The following EHBP1L1 variants were observed in gnomAD, a reference collection of about 807,000 sequenced individuals.
EHBP1L1 encodes the protein EH domain-binding protein 1-like protein 1.
Under a neutral mutation model 151.1 loss-of-function variants are expected in EHBP1L1, and 122 were observed. The ratio of observed to expected loss-of-function variants is 0.81; its 90% confidence interval spans 0.70 to 0.94. EHBP1L1 has a LOEUF of 0.94. Ranked by LOEUF, EHBP1L1 falls within the 40% of genes least tolerant of loss-of-function variation. EHBP1L1 has a pLI of 0.00. For synonymous variants in EHBP1L1, 878 were observed against 810.1 expected, an observed-to-expected ratio of 1.08 and a Z score of -1.42; for missense variants, 1,941 against 1,959.8, an observed-to-expected ratio of 0.99 and a Z score of 0.18.
rs1857638659 is a variant in EHBP1L1 at position 65,582,044 on chromosome 11, C to T, written c.1372C>T (p.Pro458Ser). 2 of 1,613,364 alleles carry T rather than the reference C, an allele frequency of 1.2e-6. No individual in the cohort carries two copies. The highest frequency in any genetic ancestry group is 1.7e-6 in the Non-Finnish European group (2 of 1,179,786). The change falls in exon 9 of 19, where the codon CCT becomes TCT. Residue 458 changes from proline (P) to serine (S), a missense_variant. Transcript: ENST00000309295. The part of the protein sequence containing the change: ...EARCRGTPEA[P>S]PRGSQGRLGV... ...AAGATGCAGGGGGACCCCTGAGGCT[C>T]CTCCAAGGGGCTCTCAGGGGAGGCT...
intron 3 of EHBP1L1, 28 bp downstream of exon 3, chr11:65,579,464 G>A: frequency 1.4e-6 from 2 of 1,441,056 alleles, no homozygotes; most frequent in South Asian, 1.5e-5. Context: ...CAGCATGGAT[G>A]GCAATTGCAA....
At chr11:65,584,427 G>C (rs756505051) in intron 10 of EHBP1L1, 29 bp downstream of exon 10, 6 of 1,613,434 alleles carry the variant, frequency 3.7e-6, no homozygotes, top group African/African-American at 1.3e-5. Flanking sequence ...GGGAACGAAT[G>C]GGGGAGCCAT....
chr11:65,590,270 G>A lies in EHBP1L1; in HGVS notation c.4183+60G>A. The A allele has an allele frequency of 1.9e-6, 3 of 1,596,432 alleles. No individual in the cohort carries two copies. The East Asian group carries it at 6.8e-5, about 36-fold the overall frequency. On this transcript the variant is annotated intron_variant, in intron 15 of 18. Coordinates refer to ENST00000309295, the MANE Select transcript of EHBP1L1 (RefSeq NM_001099409.3). ...CATGCCACTAGGTCTGTCCAGCCCTGCAGCTGTTCCTGACCTTGGGAGGAG... is the reference window on the plus strand; with the variant it reads ...CATGCCACTAGGTCTGTCCAGCCCTACAGCTGTTCCTGACCTTGGGAGGAG...
Position 65,591,781 on chromosome 11 carries a change from A to AC in EHBP1L1, c.4284-13dup, listed in dbSNP as rs1384425118. 17 of 532,522 alleles carry AC rather than the reference A, an allele frequency of 3.2e-5. No homozygotes were observed. Among genetic ancestry groups the AC allele is most frequent in the Non-Finnish European group, 4.2e-5 (16 of 383,674 alleles). 33.0% of individuals were successfully genotyped at this position (532,522 alleles called of 1,614,324 possible). ...CTGAACTGCCACCCCCCCGCCACCC[A>AC]CCCCCCGCCACCTTCCAGCATGGAG... On this transcript the variant is annotated intron_variant, in intron 16 of 18. Coordinates refer to ENST00000309295, the MANE Select transcript of EHBP1L1 (RefSeq NM_001099409.3).
rs752741935 is a variant in EHBP1L1 at position 65,576,302 on chromosome 11, C to T, written c.-1C>T. Reference sequence around the variant, plus strand: ...AAGTGGGCGGCGGGGTGGCGGGGGCCATGACCTCGGTGTGGAAGCGCCTGC... The same window carrying T: ...AAGTGGGCGGCGGGGTGGCGGGGGCTATGACCTCGGTGTGGAAGCGCCTGC... On this transcript the variant is annotated 5_prime_UTR_variant, in exon 1 of 19. Coordinates refer to ENST00000309295, the MANE Select transcript of EHBP1L1 (RefSeq NM_001099409.3). 14 of 1,587,682 alleles carry T rather than the reference C, an allele frequency of 8.8e-6. No individual in the cohort carries two copies. Among genetic ancestry groups the T allele is most frequent in the East Asian group, 2.3e-5 (1 of 43,520 alleles).
Position 65,592,358 on chromosome 11 carries a change from C to G in EHBP1L1, c.*56C>G. On this transcript the variant is annotated 3_prime_UTR_variant, in exon 19 of 19. Coordinates refer to ENST00000309295, the MANE Select transcript of EHBP1L1 (RefSeq NM_001099409.3). ...CGCGTCCCCGGCGTCCGCCGCCGCC[C>G]CGGGCCTGCGCTGCGGACGACCCGG... The G allele has an allele frequency of 7.8e-7, 1 of 1,282,380 alleles. No homozygotes were observed. The allele number at this position is 1,282,380 out of a possible 1,614,324, so 79.4% of individuals were successfully genotyped here. A position where few individuals can be genotyped will look rare whatever the true frequency, so the allele number is the denominator to read the frequency against.
At chr11:65,581,001 C>T (rs1312598389) in intron 6 of EHBP1L1, 57 bp from the exon 7 acceptor site, 2 of 1,547,008 alleles carry the variant, frequency 1.3e-6, no homozygotes, top group Non-Finnish European at 1.7e-6. Context: ...GGGGTCAGGC[C>T]TGTGGGGCCC....
At position 65,584,528 on chromosome 11, in the gene EHBP1L1, C is replaced by G. The variant is rs755497516; in HGVS notation, c.3294C>G (p.Asn1098Lys). ...ACCCACTCAACATCAAGCAGAACAA[C>G]AAGCAGGTGAGATGGGGTGGGGGAC... ...SLDPLNIKQN[N>K]KQAFDGFAAL... The change falls in exon 11 of 19, where the codon AAC becomes AAG. Residue 1098 changes from asparagine to lysine, a missense_variant. Asn to Lys is a moderately conservative substitution (Grantham distance 94, BLOSUM62 0). Coordinates refer to ENST00000309295, the MANE Select transcript of EHBP1L1 (RefSeq NM_001099409.3). 2 of 1,611,712 alleles carry G rather than the reference C, an allele frequency of 1.2e-6. No homozygotes were observed. The highest frequency in any genetic ancestry group is 3.3e-5 in the Admixed American group (2 of 59,808).
Position 65,585,859 on chromosome 11 carries a change from C to G in EHBP1L1, c.3933+268C>G, listed in dbSNP as rs911983686. On this transcript the variant is annotated intron_variant, in intron 12 of 18. Coordinates refer to ENST00000309295, the MANE Select transcript of EHBP1L1 (RefSeq NM_001099409.3). This position sits in a 1 kb window ranked among gnomAD's most constrained non-coding sequence, Gnocchi z 4.0. ...CCACCAGGCAGGGTCCCCAGCTTTG[C>G]GGCCAGCCTGGGATAAGTGCTGAGG... Among the ~76,000 whole-genome samples the G allele has an allele frequency of 6.6e-6, 1 of 152,230 alleles. No individual in the cohort carries two copies. The highest frequency in any genetic ancestry group is 2.4e-5 in the African/African-American group (1 of 41,458).
rs569436317 is a variant in EHBP1L1 at position 65,585,569 on chromosome 11, G to C, written c.3911G>C (p.Gly1304Ala). ...TTCTCGATGGACGATCCGGACGCGG[G>C]AGCCATGGGAGCTGCGGCTGCAGTG... is the stretch of plus-strand genomic sequence containing the variant. ...SSFSMDDPDA[G>A]AMGAAAAEGQ... is the part of the protein sequence containing the mutation. The change falls in exon 12 of 19, where the codon GGA (glycine) becomes GCA (alanine). Residue 1304 changes from glycine to alanine, a missense_variant. Physicochemically the swap from Gly to Ala is moderately conservative, Grantham distance 60. Transcript: ENST00000309295. This position sits in a 1 kb window ranked among gnomAD's most constrained non-coding sequence, Gnocchi z 4.0. 6.4e-5 allele frequency: 101 copies of C among 1,581,072 alleles called. 2 individuals carry two copies. The South Asian group carries it at 1.1e-3, about 17-fold the overall frequency.
At position 65,584,156 on chromosome 11, in the gene EHBP1L1, TTG is replaced by T. The variant is rs1857802000; in HGVS notation, c.3094-80_3094-79del. On this transcript the variant is annotated intron_variant, in intron 9 of 18. Transcript: ENST00000309295. ...CCCTGCAAGCTCAGAGATGGGGCTG[TTG>T]TGTGCCAGGCATGAGCTTCCCCAAG... 8 of 1,546,800 alleles carry T rather than the reference TTG, an allele frequency of 5.2e-6. No individual in the cohort carries two copies. In the South Asian group the frequency reaches 7.3e-5, roughly 14 times the overall value.
Position 65,576,332 on chromosome 11 carries a change from C to T in EHBP1L1, c.30C>T (p.Arg10=). ...CCTCGGTGTGGAAGCGCCTGCAGCG[C>T]GTGGGCAAGCGGGCGGCCAAGTTCC... The part of the protein sequence containing the change: MTSVWKRLQ[R]VGKRAAKFQF... Residue 10 remains arginine, a synonymous_variant, in exon 1 of 19, where the codon CGC becomes CGT. Transcript: ENST00000309295. The T allele has an allele frequency of 3.8e-6, 6 of 1,598,174 alleles. No homozygotes were observed. Among genetic ancestry groups the T allele is most frequent in the Non-Finnish European group, 5.1e-6 (6 of 1,173,178 alleles).
intron 12 of EHBP1L1, 28 bp from the exon 13 acceptor site, chr11:65,589,723 C>G (rs1192522447): frequency 4.0e-6 from 6 of 1,513,944 alleles, no homozygotes; most frequent in Admixed American, 2.2e-5. Flanking sequence ...AAACCCCTCC[C>G]AGCCCTCACT....
chr11:65,577,631 C>T (rs761103655), intron 1 of EHBP1L1, among the ~76,000 whole-genome samples: 2 of 152,174 alleles, frequency 1.3e-5, no homozygotes, highest in East Asian at 1.9e-4. Flanking sequence ...CCCAGGAGGG[C>T]GTGCCCAGCC....
At position 65,583,339 on chromosome 11, in the gene EHBP1L1, A is replaced by G. The variant is rs1362557880; in HGVS notation, c.2667A>G (p.Ala889=). ...EEAQTSGVQE[A]ETRVGSALKY... ...CTCAGACTTCGGGGGTCCAGGAAGC[A>G]GAGACTAGAGTTGGGAGTGCTCTCA... is the stretch of plus-strand genomic sequence containing the variant. Residue 889 remains alanine (A), a synonymous_variant, in exon 9 of 19, where the codon GCA becomes GCG. Transcript: ENST00000309295. 6.2e-7 allele frequency: 1 copy of G among 1,613,736 alleles called. No homozygotes were observed.
At chr11:65,576,891 TCAGC>T (rs778239059) in intron 1 of EHBP1L1, among the ~76,000 whole-genome samples, 2 of 152,098 alleles carry the variant, frequency 1.3e-5, no homozygotes, top group Non-Finnish European at 2.9e-5. Flanking sequence ...TCCCGCCTCT[TCAGC>T]CAGAGTGCTG....
intron 11 of EHBP1L1, 105 bp downstream of exon 11, chr11:65,584,639 T>C: frequency 1.4e-6 from 2 of 1,429,200 alleles, no homozygotes; most frequent in South Asian, 2.5e-5. Flanking sequence ...CAGTGGCTTC[T>C]GGAAGTTCTG....
chr11:65,581,655 C>T lies in EHBP1L1; in HGVS notation c.983C>T (p.Ser328Leu). The change falls in exon 9 of 19, where the codon TCA becomes TTA. Residue 328 changes from serine to leucine, a missense_variant. Ser to Leu is a moderately radical substitution (Grantham distance 145, BLOSUM62 -2). Coordinates refer to ENST00000309295, the MANE Select transcript of EHBP1L1 (RefSeq NM_001099409.3). Reference protein sequence around the residue: ...PQGEDEVPKASGAPPAGLGSA... With the variant: ...PQGEDEVPKALGAPPAGLGSA... ...GGGGAAGATGAGGTCCCCAAAGCCT[C>T]AGGGGCTCCTCCAGCAGGATTGGGC... is the stretch of plus-strand genomic sequence containing the variant. The T allele has an allele frequency of 1.9e-6, 3 of 1,561,458 alleles. No homozygotes were observed. Among genetic ancestry groups the T allele is most frequent in the Non-Finnish European group, 1.7e-6 (2 of 1,153,142 alleles).
At chr11:65,584,908 G>A in intron 11 of EHBP1L1, 51 bp from the exon 12 acceptor site, 22 of 1,524,670 alleles carry the variant, frequency 1.4e-5, no homozygotes, top group Non-Finnish European at 1.7e-5. Flanking sequence ...CAGCGTTGCC[G>A]GGTGGCGCGG....
Sources: gnomAD v4.1 joint callset for allele counts (sites outside exome capture counted in the v4.1 genomes callset) on GRCh38, gnomAD v4.1.1 for gene constraint, Gnocchi (gnomAD v3.1) non-coding constraint, MANE v1.5 for transcripts, NCBI Gene and HGNC (gene_info 2026-07-23, HGNC 2026-07-21) for gene names.